The following WWOX variants were observed in gnomAD, a reference collection of about 807,000 sequenced individuals.
WWOX encodes WW domain containing oxidoreductase.
A neutral mutation model predicts 46.2 loss-of-function variants in WWOX; 69 were observed. That is an observed-to-expected ratio of 1.49 (90% CI 1.23 to 1.82). WWOX has a LOEUF of 1.82. Ranked by LOEUF, WWOX falls within the 40% of genes most tolerant of loss-of-function variation. The probability of loss-of-function intolerance (pLI) is 0.00; values close to 1 mark genes in which losing one functional copy is unlikely to be tolerated. For missense variants in WWOX, 919 were observed against 542.6 expected (o/e 1.69, Z -6.89); for synonymous variants, 359 against 202.6 (o/e 1.77, Z -6.56).
At chr16:78,998,311 C>A (rs2047029302) in intron 8 of WWOX, among the ~76,000 whole-genome samples, 1 of 152,192 alleles carries the variant, frequency 6.6e-6, no homozygotes, top group Non-Finnish European at 1.5e-5. Flanking sequence ...TGCTCTTCTC[C>A]CTTCTCCACT....
chr16:78,626,113 C>A (rs966335732), intron 8 of WWOX, among the ~76,000 whole-genome samples: 1 of 151,694 alleles, frequency 6.6e-6, no homozygotes, highest in Non-Finnish European at 1.5e-5. Context: ...GGAGCCCATC[C>A]AGGATACCAC....
chr16:79,117,639 C>CGGAAG (rs2049543631), intron 8 of WWOX, among the ~76,000 whole-genome samples: 1 of 152,228 alleles, frequency 6.6e-6, no homozygotes, highest in African/African-American at 2.4e-5. Context: ...GCTGTTTTGT[C>CGGAAG]TACATTGAAA....
intron 8 of WWOX, among the ~76,000 whole-genome samples, chr16:79,118,482 C>A (rs1369734693): frequency 2.0e-5 from 3 of 152,078 alleles, no homozygotes; most frequent in Non-Finnish European, 2.9e-5. Context: ...ATGAAGTGAG[C>A]AGGTACCATT....
At chr16:78,842,670 C>G (rs886157211) in intron 8 of WWOX, among the ~76,000 whole-genome samples, 3 of 151,908 alleles carry the variant, frequency 2.0e-5, no homozygotes, top group Non-Finnish European at 2.9e-5. Flanking sequence ...TTGAGAACAT[C>G]CAGGGAAACA....
intron 8 of WWOX, among the ~76,000 whole-genome samples, chr16:79,100,347 C>T (rs919624763): frequency 6.6e-6 from 1 of 152,044 alleles, no homozygotes; most frequent in Non-Finnish European, 1.5e-5. Context: ...TTTTAAAAGC[C>T]TGAGAAACGA....
chr16:78,542,399 G>T (rs576953439), intron 8 of WWOX, among the ~76,000 whole-genome samples: 1 of 152,252 alleles, frequency 6.6e-6, no homozygotes, highest in African/African-American at 2.4e-5. Flanking sequence ...AGACAGAGTG[G>T]TGTTGCAGGG....
At position 78,281,207 on chromosome 16, in the gene WWOX, C is replaced by A. The variant is rs139909144; in HGVS notation, c.517-105653C>A. 1.2e-4 allele frequency among the ~76,000 whole-genome samples: 18 copies of A among 152,342 alleles called. No individual in the cohort carries two copies. In the East Asian group the frequency reaches 3.5e-3, roughly 29 times the overall value. ...GGGAAAAGGGTTAAAATGACCAGAT[C>A]TCCAGAGATCTCACTCACTATGGTG... On this transcript the variant is annotated intron_variant, in intron 5 of 8. Coordinates refer to ENST00000566780, the MANE Select transcript of WWOX (RefSeq NM_016373.4).
chr16:78,491,497 C>G (rs1007619642), intron 8 of WWOX, among the ~76,000 whole-genome samples: 1 of 152,144 alleles, frequency 6.6e-6, no homozygotes, highest in African/African-American at 2.4e-5. Flanking sequence ...CAGGGTTTTG[C>G]TGTCACCCAG....
intron 8 of WWOX, among the ~76,000 whole-genome samples, chr16:79,088,210 G>T (rs2048888574): frequency 6.6e-6 from 1 of 152,148 alleles, no homozygotes; most frequent in African/African-American, 2.4e-5. Flanking sequence ...CAGTCCACGG[G>T]GTGGCCTTCA....
intron 8 of WWOX, among the ~76,000 whole-genome samples, chr16:78,455,438 T>C (rs11867048): frequency 0.19 from 28,625 of 151,664 alleles, 4,178 homozygotes; most frequent in African/African-American, 0.39. Flanking sequence ...TTCAGGAGTT[T>C]GAGACCAGCC....
At chr16:78,474,231 A>G (rs2084302754) in intron 8 of WWOX, among the ~76,000 whole-genome samples, 1 of 152,184 alleles carries the variant, frequency 6.6e-6, no homozygotes, top group Admixed American at 6.5e-5. Context: ...AAACAGTTTT[A>G]TGTTTGACAT....
At chr16:78,647,870 T>C (rs1359175755) in intron 8 of WWOX, among the ~76,000 whole-genome samples, 1 of 151,414 alleles carries the variant, frequency 6.6e-6, no homozygotes. Flanking sequence ...TCTTTTTTTC[T>C]CTCTCACTCT....
intron 8 of WWOX, among the ~76,000 whole-genome samples, chr16:78,870,642 C>T (rs1477122755): frequency 6.6e-6 from 1 of 152,170 alleles, no homozygotes; most frequent in Non-Finnish European, 1.5e-5. Flanking sequence ...CACTCTGTTG[C>T]CCAGGCTGGA....
chr16:78,680,982 C>G (rs1471307539), intron 8 of WWOX, among the ~76,000 whole-genome samples: 1 of 152,192 alleles, frequency 6.6e-6, no homozygotes, highest in Non-Finnish European at 1.5e-5. Context: ...TACTTAGTGG[C>G]TCACGCCTGT....
chr16:78,395,094 C>T (rs554991575), intron 6 of WWOX, among the ~76,000 whole-genome samples: 9 of 152,254 alleles, frequency 5.9e-5, no homozygotes, highest in Non-Finnish European at 8.8e-5. Flanking sequence ...TCATCTTGAT[C>T]GTAAAATGAT....
At chr16:79,005,114 A>G (rs1180261052) in intron 8 of WWOX, among the ~76,000 whole-genome samples, 1 of 152,142 alleles carries the variant, frequency 6.6e-6, no homozygotes, top group Non-Finnish European at 1.5e-5. Flanking sequence ...GGAAAGAGGA[A>G]ACTGAGTCTC....
At chr16:78,103,275 A>G (rs945674747) in intron 1 of WWOX, among the ~76,000 whole-genome samples, 7 of 145,208 alleles carry the variant, frequency 4.8e-5, no homozygotes, top group Non-Finnish European at 9.0e-5. Flanking sequence ...AATTTAATTT[A>G]ACTTTAAATT....
chr16:78,528,470 A>T (rs2043537000), intron 8 of WWOX, among the ~76,000 whole-genome samples: 2 of 152,038 alleles, frequency 1.3e-5, no homozygotes, highest in African/African-American at 2.4e-5. Context: ...GCCAGTAAAA[A>T]CATGAGTCAG....
chr16:78,949,086 G>T (rs768563533), intron 8 of WWOX, among the ~76,000 whole-genome samples: 15 of 152,254 alleles, frequency 9.9e-5, no homozygotes, highest in Middle Eastern at 3.4e-3. Flanking sequence ...ACCTACAATA[G>T]CATGGAAAAC....
Sources: allele counts gnomAD v4.1 joint callset (sites outside exome capture counted in the v4.1 genomes callset), GRCh38; gene constraint gnomAD v4.1.1; transcripts MANE v1.5; gene names NCBI Gene and HGNC (gene_info 2026-07-23, HGNC 2026-07-21).